EP300: variants seen among roughly 807,000 people sequenced by gnomAD.
EP300 encodes histone acetyltransferase p300.
EP300 carries 31 observed loss-of-function variants against 264.0 expected under a neutral mutation model. The observed-to-expected ratio is 0.12, with a 90% CI of 0.09 to 0.16. The LOEUF is 0.16. Among genes scored for constraint, EP300 ranks in the 10% least tolerant of loss-of-function variants. The probability of loss-of-function intolerance (pLI) is 1.00; values close to 1 mark genes in which losing one functional copy is unlikely to be tolerated. For synonymous variants in EP300, 1,340 were observed against 1,045.4 expected, an observed-to-expected ratio of 1.28 and a Z score of -5.44; for missense variants, 2,766 against 3,052.9, an observed-to-expected ratio of 0.91 and a Z score of 2.21.
chr22:41,128,678 A>ATTT (rs1336647819), intron 4 of EP300, among the ~76,000 whole-genome samples: 1 of 151,450 alleles, frequency 6.6e-6, no homozygotes, highest in Non-Finnish European at 1.5e-5. Context: ...TGCCCGGCTA[A>ATTT]TTTTTTGTAT....
At chr22:41,095,131 G>T (rs1429740804) in intron 1 of EP300, among the ~76,000 whole-genome samples, 1 of 151,702 alleles carries the variant, frequency 6.6e-6, no homozygotes, top group African/African-American at 2.4e-5. Flanking sequence ...TTTGGTGTAC[G>T]GTTTTTAATT....
At chr22:41,144,033 G>A (rs541166490) in intron 10 of EP300, among the ~76,000 whole-genome samples, 18 of 152,188 alleles carry the variant, frequency 1.2e-4, no homozygotes, top group Non-Finnish European at 2.1e-4. Flanking sequence ...TGTTAATGGA[G>A]TTGAAGGTAG....
At chr22:41,115,880 G>A (rs1038596124) in intron 1 of EP300, among the ~76,000 whole-genome samples, 1 of 152,196 alleles carries the variant, frequency 6.6e-6, no homozygotes, top group Non-Finnish European at 1.5e-5. Context: ...ATAGGAACTT[G>A]GTAAAAAATG....
chr22:41,166,951 G>A (rs193214914), intron 23 of EP300, among the ~76,000 whole-genome samples: 70 of 152,294 alleles, frequency 4.6e-4, no homozygotes, highest in Non-Finnish European at 3.4e-4. Flanking sequence ...GGAATAAGGT[G>A]TGGAAATGAT....
In EP300 at chr22:41,137,636, G is replaced by GT; in HGVS notation, c.1623-16dup. 6.2e-7 allele frequency: 1 copy of GT among 1,613,976 alleles called. No individual in the cohort carries two copies. Among genetic ancestry groups the GT allele is most frequent in the Non-Finnish European group, 8.5e-7 (1 of 1,179,992 alleles). ...TACCTTTCTTCACTAAAACTATTTG[G>GT]TGACCCCTTTTTGAAGCCCAATGAT... On this transcript the variant is annotated splice_polypyrimidine_tract_variant and intron_variant, in intron 7 of 30. Transcript: ENST00000263253.
chr22:41,151,681 G>A (rs2059046321), intron 14 of EP300, 152 bp from the exon 15 acceptor site: 4 of 782,142 alleles, frequency 5.1e-6, no homozygotes, highest in South Asian at 1.5e-5. Context: ...TAAGGGAGGT[G>A]AAATGGGCAG....
At chr22:41,154,958 T>C (rs1428649356) in intron 16 of EP300, 37 bp from the exon 17 acceptor site, 2 of 1,375,130 alleles carry the variant, frequency 1.5e-6, no homozygotes, top group Admixed American at 1.7e-5. Flanking sequence ...TTCTGCTTAA[T>C]TGGTAACTAA....
At chr22:41,128,671 C>T (rs1041652425) in intron 4 of EP300, among the ~76,000 whole-genome samples, 23 of 151,892 alleles carry the variant, frequency 1.5e-4, no homozygotes, top group African/African-American at 5.6e-4. Context: ...ACCACCATGC[C>T]CGGCTAATTT....
chr22:41,148,459 T>G (rs2059024966), intron 12 of EP300, among the ~76,000 whole-genome samples: 1 of 152,194 alleles, frequency 6.6e-6, no homozygotes, highest in Non-Finnish European at 1.5e-5. Context: ...GTCCTTCATT[T>G]TAACCTATAA....
At position 41,131,132 on chromosome 22, in the gene EP300, G is replaced by A. The variant is rs577630234; in HGVS notation, c.1283-256G>A. ...GGCTCCAAAGCATTCATACAGTGTT[G>A]GTCGGAACATTAATAAAGCCCTTTG... On this transcript the variant is annotated intron_variant, in intron 5 of 30. Transcript: ENST00000263253. 1.1e-4 allele frequency among the ~76,000 whole-genome samples: 17 copies of A among 152,202 alleles called. No homozygotes were observed. The East Asian group carries it at 2.5e-3, about 22-fold the overall frequency.
rs747493771 is a variant in EP300 at position 41,157,371 on chromosome 22, C to T, written c.3464C>T (p.Pro1155Leu). ...LSEVFEQEID[P>L]VMQSLGYCCG... ...GAGGTCTTTGAACAAGAAATTGACCCAGTGATGCAAAGCCTTGGATACTGT... is the reference window on the plus strand; with the variant it reads ...GAGGTCTTTGAACAAGAAATTGACCTAGTGATGCAAAGCCTTGGATACTGT... The change falls in exon 18 of 31, where the codon CCA becomes CTA. Residue 1155 changes from proline to leucine, a missense_variant. Pro to Leu is a moderately conservative substitution (Grantham distance 98). Transcript: ENST00000263253. 4 of 1,613,960 alleles carry T rather than the reference C, an allele frequency of 2.5e-6. No individual in the cohort carries two copies. Among genetic ancestry groups the T allele is most frequent in the Non-Finnish European group, 3.4e-6 (4 of 1,180,040 alleles).
In EP300 at chr22:41,177,116, C is replaced by T. The variant is rs1200588584; in HGVS notation, c.5405C>T (p.Pro1802Leu). 4 of 1,614,110 alleles carry T rather than the reference C, an allele frequency of 2.5e-6. No homozygotes were observed. Among genetic ancestry groups the T allele is most frequent in the East Asian group, 2.2e-5 (1 of 44,870 alleles). The change falls in exon 31 of 31, where the codon CCG becomes CTG. Residue 1802 changes from proline to leucine, a missense_variant. Physicochemically the swap from Pro to Leu is moderately conservative, Grantham distance 98. Transcript: ENST00000263253. ...AAGCACTGCCAGGAGAACAAATGCC[C>T]GGTGCCGTTCTGCCTAAACATCAAG... ...HAKHCQENKC[P>L]VPFCLNIKQK...
At chr22:41,106,201 C>T (rs2058757163) in intron 1 of EP300, among the ~76,000 whole-genome samples, 1 of 152,108 alleles carries the variant, frequency 6.6e-6, no homozygotes, top group Non-Finnish European at 1.5e-5. Context: ...TTAAAAGCTA[C>T]AGTTTTAAAA....
rs1476364837 is a variant in EP300 at position 41,149,033 on chromosome 22, T to C, written c.2242-5T>C. On this transcript the variant is annotated splice_region_variant and splice_polypyrimidine_tract_variant and intron_variant, in intron 12 of 30. Transcript: ENST00000263253. ...TTGGTGATTTGTGTTTTTTTTTTTTTTCAGCCTATGGGCTATGGGCCTCGT... is the reference window on the plus strand; with the variant it reads ...TTGGTGATTTGTGTTTTTTTTTTTTCTCAGCCTATGGGCTATGGGCCTCGT... 3.7e-6 allele frequency: 6 copies of C among 1,613,816 alleles called. No individual in the cohort carries two copies. Among genetic ancestry groups the C allele is most frequent in the East Asian group, 4.5e-5 (2 of 44,882 alleles).
At chr22:41,144,775 A>G (rs1039148242) in intron 10 of EP300, among the ~76,000 whole-genome samples, 2 of 152,092 alleles carry the variant, frequency 1.3e-5, no homozygotes, top group Non-Finnish European at 2.9e-5. Context: ...TATCTGCATC[A>G]TATGGGGCAA....
rs764980716 is a variant in EP300, at chr22:41,125,991, C to T, written c.857C>T (p.Pro286Leu). 3.1e-6 allele frequency: 5 copies of T among 1,614,172 alleles called. No individual in the cohort carries two copies. Among genetic ancestry groups the T allele is most frequent in the Middle Eastern group, 1.6e-4 (1 of 6,062 alleles). Reference protein sequence around the residue: ...TKTVLSNNLSPFAMDKKAVPG... With the variant: ...TKTVLSNNLSLFAMDKKAVPG... ...ACTGTACTATCAAATAACTTATCTC[C>T]ATTTGCTATGGACAAAAAGGCAGTT... is the stretch of plus-strand genomic sequence containing the variant. The change falls in exon 3 of 31, where the codon CCA becomes CTA. Residue 286 changes from proline to leucine, a missense_variant. Coordinates refer to ENST00000263253, the MANE Select transcript of EP300 (RefSeq NM_001429.4).
chr22:41,175,983 G>A, intron 29 of EP300: 1 of 496,424 alleles, frequency 2.0e-6, no homozygotes, highest in South Asian at 2.1e-5. Flanking sequence ...ACTCTGGGAG[G>A]CTGAGGCAGG....
intron 2 of EP300, 40 bp downstream of exon 2, chr22:41,117,861 T>G (rs777101555): frequency 6.2e-7 from 1 of 1,612,148 alleles, no homozygotes; most frequent in African/African-American, 1.3e-5. Context: ...TCGGCATGCA[T>G]GTGAGTATTG....
Position 41,147,821 on chromosome 22 carries a change from T to G in EP300, c.2132-16T>G, listed in dbSNP as rs768558896. 43 of 1,542,352 alleles carry G rather than the reference T, an allele frequency of 2.8e-5. No homozygotes were observed. Among genetic ancestry groups the G allele is most frequent in the Non-Finnish European group, 3.5e-5 (39 of 1,114,710 alleles). The stretch of plus-strand genomic sequence containing the variant: ...CACAAAGGCATTCAGATCTAACATT[T>G]TGCTCATATTCACAGGTTTGAATCA... On this transcript the variant is annotated splice_polypyrimidine_tract_variant and intron_variant, in intron 11 of 30. Transcript: ENST00000263253.
Sources: allele counts gnomAD v4.1 joint callset (sites outside exome capture counted in the v4.1 genomes callset), GRCh38; gene constraint gnomAD v4.1.1; transcripts MANE v1.5; gene names NCBI Gene and HGNC (gene_info 2026-07-23, HGNC 2026-07-21).